EXT1: variants seen among roughly 807,000 people sequenced by gnomAD.
EXT1 encodes exostosin glycosyltransferase 1.
EXT1 carries 20 observed loss-of-function variants against 82.5 expected under a neutral mutation model. The ratio of observed to expected loss-of-function variants is 0.24; its 90% CI spans 0.17 to 0.35. EXT1 has a LOEUF of 0.35. Among genes scored for constraint, EXT1 ranks in the 10% least tolerant of loss-of-function variants. The pLI is 1.00. For missense variants in EXT1, 757 were observed against 936.5 expected (o/e 0.81, Z 2.50); for synonymous variants, 348 against 350.8 (o/e 0.99, Z 0.09).
chr8:117,970,125 CG>C (rs895013471), intron 1 of EXT1, among the ~76,000 whole-genome samples: 2 of 152,122 alleles, frequency 1.3e-5, no homozygotes, highest in African/African-American at 2.4e-5. Context: ...AGCCTGCAGA[CG>C]TATTTGTTTA....
At chr8:118,080,638 T>C (rs954368899) in intron 1 of EXT1, among the ~76,000 whole-genome samples, 3 of 152,226 alleles carry the variant, frequency 2.0e-5, no homozygotes, top group Non-Finnish European at 4.4e-5. Context: ...GTAGTTCTTT[T>C]AAAACTCGGC....
chr8:117,873,679 A>G (rs1156549728), intron 1 of EXT1, among the ~76,000 whole-genome samples: 2 of 151,968 alleles, frequency 1.3e-5, no homozygotes, highest in Non-Finnish European at 2.9e-5. Context: ...TGGTCTTGAA[A>G]TCCTGGCCTC....
chr8:117,851,178 G>T (rs1384297714), intron 1 of EXT1, among the ~76,000 whole-genome samples: 3 of 152,062 alleles, frequency 2.0e-5, no homozygotes, highest in Non-Finnish European at 2.9e-5. Context: ...GCACCACAAA[G>T]ATCATCCAGT....
chr8:117,799,366 TG>T lies in EXT1; in HGVS notation c.*345del. 1 of 307,062 alleles carries T rather than the reference TG, an allele frequency of 3.3e-6. No individual in the cohort carries two copies. Among genetic ancestry groups the T allele is most frequent in the Non-Finnish European group, 6.2e-6 (1 of 161,952 alleles). The allele number at this position is 307,062 out of a possible 1,614,324, so 19.0% of individuals were successfully genotyped here. Reference sequence around the variant, plus strand: ...GAAATATTCACAACCAACACAATTTTGATTAAACAAAGAACTCTGGTTTTTA... The same window carrying T: ...GAAATATTCACAACCAACACAATTTTATTAAACAAAGAACTCTGGTTTTTA... On this transcript the variant is annotated 3_prime_UTR_variant, in exon 11 of 11. Transcript: ENST00000378204.
chr8:117,805,073 T>C (rs1823218145), intron 9 of EXT1, among the ~76,000 whole-genome samples, 180 bp from the exon 10 acceptor site: 1 of 152,174 alleles, frequency 6.6e-6, no homozygotes, highest in African/African-American at 2.4e-5. Flanking sequence ...ATACCAGATA[T>C]TGTTCTAAAG....
chr8:117,937,729 T>C (rs1202737782), intron 1 of EXT1, among the ~76,000 whole-genome samples: 6 of 152,216 alleles, frequency 3.9e-5, no homozygotes, highest in Non-Finnish European at 7.3e-5. Context: ...AAAATAACTC[T>C]TATGCACTAC....
intron 1 of EXT1, among the ~76,000 whole-genome samples, chr8:118,048,114 C>G (rs1816652373): frequency 6.6e-6 from 1 of 152,112 alleles, no homozygotes. Context: ...AAGCAGCTCT[C>G]CAGCCTTCCT....
intron 1 of EXT1, among the ~76,000 whole-genome samples, chr8:117,986,444 G>A (rs1020448463): frequency 1.3e-5 from 2 of 152,226 alleles, no homozygotes; most frequent in African/African-American, 2.4e-5. Flanking sequence ...TGATCCACCC[G>A]CCTCAGGCTC....
chr8:118,074,545 G>T (rs1289991727), intron 1 of EXT1, among the ~76,000 whole-genome samples: 2 of 151,270 alleles, frequency 1.3e-5, no homozygotes, highest in African/African-American at 4.9e-5. Context: ...TAGTTGCCTC[G>T]TAGGGGGCTA....
intron 1 of EXT1, among the ~76,000 whole-genome samples, chr8:118,082,286 C>T (rs572515169): frequency 4.2e-4 from 62 of 147,636 alleles, no homozygotes; most frequent in South Asian, 2.3e-3. Context: ...TCTAAACTTT[C>T]GCATCATGCA....
chr8:118,065,297 T>C (rs1226563299), intron 1 of EXT1, among the ~76,000 whole-genome samples: 1 of 152,188 alleles, frequency 6.6e-6, no homozygotes, highest in Non-Finnish European at 1.5e-5. Context: ...TTTCACACTT[T>C]TAAATATGCT....
intron 1 of EXT1, among the ~76,000 whole-genome samples, chr8:118,043,754 G>A (rs1816574961): frequency 6.6e-6 from 1 of 152,170 alleles, no homozygotes; most frequent in Non-Finnish European, 1.5e-5. Context: ...CTCAGTAAGT[G>A]CTTGTTATGT....
chr8:118,107,551 G>A (rs1254950062), intron 1 of EXT1, among the ~76,000 whole-genome samples: 1 of 152,128 alleles, frequency 6.6e-6, no homozygotes, highest in Admixed American at 6.5e-5. Context: ...CTTGACTTGA[G>A]GAGTTCTGCA....
In EXT1 at chr8:118,110,850, A is replaced by C. The variant is rs1242925512; in HGVS notation, c.197T>G (p.Val66Gly). Residue 66 changes from valine to glycine, a missense_variant, in exon 1 of 11, where the codon GTT becomes GGT. Coordinates refer to ENST00000378204, the MANE Select transcript of EXT1 (RefSeq NM_000127.3). ...CTCGTTTTCCAATTGATCCCAAGGA[A>C]CGAAGGGGCGCAGAGCGTCCGGGAA... ...PRFPDALRPF[V>G]PWDQLENEDS... 2 of 1,612,714 alleles carry C rather than the reference A, an allele frequency of 1.2e-6. No individual in the cohort carries two copies. The highest frequency in any genetic ancestry group is 1.3e-5 in the African/African-American group (1 of 74,836).
chr8:118,040,830 T>A (rs975374373), intron 1 of EXT1, among the ~76,000 whole-genome samples: 3 of 152,346 alleles, frequency 2.0e-5, no homozygotes, highest in Admixed American at 1.3e-4. Context: ...GCAGCAATTG[T>A]TCACGTCAGT....
chr8:118,060,073 C>T (rs1816858962), intron 1 of EXT1, among the ~76,000 whole-genome samples: 1 of 152,208 alleles, frequency 6.6e-6, no homozygotes, highest in African/African-American at 2.4e-5. Flanking sequence ...CTTGCTACCA[C>T]AGAGCGCTCA....
chr8:117,986,833 C>T (rs569721405), intron 1 of EXT1, among the ~76,000 whole-genome samples: 1 of 152,294 alleles, frequency 6.6e-6, no homozygotes, highest in South Asian at 2.1e-4. Context: ...ATAGAACCTG[C>T]TCATGTTGAG....
intron 1 of EXT1, among the ~76,000 whole-genome samples, chr8:118,080,655 T>C (rs1411765629): frequency 6.6e-6 from 1 of 152,218 alleles, no homozygotes; most frequent in Non-Finnish European, 1.5e-5. Context: ...CGGCCAATAA[T>C]AATGCCTTTT....
At chr8:117,815,251 A>C (rs1228942942) in intron 7 of EXT1, among the ~76,000 whole-genome samples, 1 of 152,192 alleles carries the variant, frequency 6.6e-6, no homozygotes, top group Non-Finnish European at 1.5e-5. Context: ...AACGCCTATA[A>C]ATTCAAAACA....
Sources: gnomAD v4.1 joint callset for allele counts (sites outside exome capture counted in the v4.1 genomes callset) on GRCh38, gnomAD v4.1.1 for gene constraint, MANE v1.5 for transcripts, NCBI Gene and HGNC (gene_info 2026-07-23, HGNC 2026-07-21) for gene names.